Variants in IL27RA observed in about 807,000 individuals in gnomAD.
IL27RA encodes the protein interleukin-27 receptor subunit alpha.
A neutral mutation model predicts 80.8 loss-of-function variants in IL27RA; 61 were observed. That is an observed-to-expected ratio of 0.76 (90% CI 0.61 to 0.93). IL27RA has a LOEUF of 0.93. IL27RA is among the 40% of genes least tolerant of loss of function. The probability of loss-of-function intolerance (pLI) is 0.00; values close to 1 mark genes in which losing one functional copy is unlikely to be tolerated. For synonymous variants in IL27RA, 316 were observed against 332.5 expected (o/e 0.95, Z 0.54); for missense variants, 735 against 808.1 (o/e 0.91, Z 1.10).
intron 6 of IL27RA, among the ~76,000 whole-genome samples, chr19:14,044,895 G>C (rs1001755388): frequency 5.3e-5 from 8 of 151,092 alleles, no homozygotes; most frequent in African/African-American, 1.7e-4. Context: ...GGAGGCCGAG[G>C]CGGGTGGATC....
In IL27RA at chr19:14,038,567, TAA is replaced by T. The variant is rs34678070; in HGVS notation, c.219-921_219-920del. Among the ~76,000 whole-genome samples the T allele has an allele frequency of 1.1e-3, 111 of 100,990 alleles. 1 individual carries two copies. In the South Asian group the frequency reaches 0.013, roughly 12 times the overall value. 66.3% of individuals were successfully genotyped at this position (100,990 alleles called of 152,430 possible). On this transcript the variant is annotated intron_variant, in intron 2 of 13. Coordinates refer to ENST00000263379, the MANE Select transcript of IL27RA (RefSeq NM_004843.4). ...CAGTTACAGAGTGAGGTCGTGTCTC[TAA>T]AAAAAAAAAAAAAAAAAAAGAGAGA...
At chr19:14,049,566 T>A (rs1406268768) in intron 10 of IL27RA, among the ~76,000 whole-genome samples, 1 of 151,952 alleles carries the variant, frequency 6.6e-6, no homozygotes, top group Non-Finnish European at 1.5e-5. Flanking sequence ...ATGTTAAAAT[T>A]CCGTGGTATG....
At chr19:14,032,216 AGGG>A (rs1314328584) in intron 1 of IL27RA, among the ~76,000 whole-genome samples, 167 bp from the exon 2 acceptor site, 1 of 152,028 alleles carries the variant, frequency 6.6e-6, no homozygotes, top group African/African-American at 2.4e-5. Context: ...GCACAGGGAA[AGGG>A]GGGGTTTGCA....
At chr19:14,040,012 C>G in intron 4 of IL27RA, 102 bp downstream of exon 4, 1 of 1,206,228 alleles carries the variant, frequency 8.3e-7, no homozygotes, top group Non-Finnish European at 1.2e-6. Flanking sequence ...GTGCCTGCCC[C>G]TGAGCCTGTA....
chr19:14,031,823 C>T lies in IL27RA; in HGVS notation c.-50C>T, dbSNP rs761406997. On this transcript the variant is annotated 5_prime_UTR_variant, in exon 1 of 14. Transcript: ENST00000263379. ...AGAGCTCGAAGAGGAGCAGCGCGGC[C>T]GCGCGGACCCGGCAAGGCTGGGCCG... 2.7e-6 allele frequency: 4 copies of T among 1,476,854 alleles called. No homozygotes were observed. The highest frequency in any genetic ancestry group is 2.4e-5 in the East Asian group (1 of 40,856). The allele number at this position is 1,476,854 out of a possible 1,614,324, so 91.5% of individuals were successfully genotyped here. A position where few individuals can be genotyped will look rare whatever the true frequency, so the allele number is the denominator to read the frequency against.
At chr19:14,046,081 G>A in intron 6 of IL27RA, 73 bp from the exon 7 acceptor site, 2 of 1,404,274 alleles carry the variant, frequency 1.4e-6, no homozygotes, top group Non-Finnish European at 2.0e-6. Flanking sequence ...GGTTTATCAG[G>A]TGACCTCAGG....
At chr19:14,044,070 G>T (rs1160398489) in intron 6 of IL27RA, among the ~76,000 whole-genome samples, 4 of 142,290 alleles carry the variant, frequency 2.8e-5, no homozygotes, top group Non-Finnish European at 4.5e-5. Context: ...AAAAAAAAAG[G>T]TATTATAAAA....
rs1466097298 is a variant in IL27RA at position 14,046,298 on chromosome 19, A to G, written c.913A>G (p.Ser305Gly). The G allele has an allele frequency of 2.0e-5, 33 of 1,613,930 alleles. No homozygotes were observed. The highest frequency in any genetic ancestry group is 2.7e-5 in the African/African-American group (2 of 74,908). Residue 305 changes from serine (S) to glycine (G), a missense_variant, in exon 7 of 14, where the codon AGC (serine) becomes GGC (glycine). Ser to Gly is a moderately conservative substitution (Grantham distance 56, BLOSUM62 0). Transcript: ENST00000263379. ...WARVSAVNAT[S>G]WEPLTNLSLV... Reference sequence around the variant, plus strand: ...CAGGGTGTCCGCTGTCAACGCCACAAGCTGGGAGCCTCTCACCAACCTCTC... The same window carrying G: ...CAGGGTGTCCGCTGTCAACGCCACAGGCTGGGAGCCTCTCACCAACCTCTC...
intron 2 of IL27RA, among the ~76,000 whole-genome samples, chr19:14,036,576 C>T (rs1290503437): frequency 1.3e-5 from 2 of 150,472 alleles, no homozygotes; most frequent in Non-Finnish European, 2.9e-5. Context: ...GCAACCTCTG[C>T]CTCCCCGGTC....
At chr19:14,039,696 C>T (rs190443624) in intron 3 of IL27RA, 31 bp downstream of exon 3, 5 of 1,316,376 alleles carry the variant, frequency 3.8e-6, no homozygotes, top group East Asian at 2.9e-5. Flanking sequence ...GCGCTCTATG[C>T]GGGGTGGGTG....
intron 4 of IL27RA, 75 bp from the exon 5 acceptor site, chr19:14,042,378 G>GAA (rs922566791): frequency 1.5e-4 from 171 of 1,173,634 alleles, no homozygotes; most frequent in Non-Finnish European, 1.6e-4. Flanking sequence ...AAAAACAAAG[G>GAA]AAAAAAAAAA....
At chr19:14,037,823 G>GTT (rs1975926746) in intron 2 of IL27RA, among the ~76,000 whole-genome samples, 1 of 135,522 alleles carries the variant, frequency 7.4e-6, no homozygotes, top group East Asian at 2.4e-4. Context: ...AGACCCTCTC[G>GTT]CTCTCTCTCT....
intron 4 of IL27RA, 24 bp from the exon 5 acceptor site, chr19:14,042,429 C>T: frequency 6.2e-7 from 1 of 1,609,570 alleles, no homozygotes; most frequent in South Asian, 1.1e-5. Flanking sequence ...CTGGGCCCAT[C>T]ACGCTCGCCT....
chr19:14,050,523 AAAAAAAAG>A (rs1976144695), intron 10 of IL27RA, among the ~76,000 whole-genome samples: 1 of 151,664 alleles, frequency 6.6e-6, no homozygotes, highest in Non-Finnish European at 1.5e-5. Flanking sequence ...AAAAAAAAAA[AAAAAAAAG>A]AGAATCAAAC....
Position 14,031,912 on chromosome 19 carries a change from C to T in IL27RA, c.40C>T (p.Leu14=), listed in dbSNP as rs1975821082. ...GRGAPFWLWP[L]PKLALLPLLW... is the part of the protein sequence containing the mutation. ...GGGCGCCCCTTTCTGGCTGTGGCCG[C>T]TGCCCAAGCTGGCGCTGCTGCCTCT... Residue 14 remains leucine (L), a synonymous_variant, in exon 1 of 14, where the codon CTG becomes TTG. Transcript: ENST00000263379. 1 of 1,607,030 alleles carries T rather than the reference C, an allele frequency of 6.2e-7. No individual in the cohort carries two copies. Among genetic ancestry groups the T allele is most frequent in the Non-Finnish European group, 8.5e-7 (1 of 1,177,438 alleles).
At chr19:14,036,436 C>T (rs1975899958) in intron 2 of IL27RA, among the ~76,000 whole-genome samples, 2 of 151,432 alleles carry the variant, frequency 1.3e-5, no homozygotes, top group South Asian at 4.2e-4. Flanking sequence ...TCTTATTTCA[C>T]GTAACATAAT....
rs1295642043 is a variant in IL27RA at position 14,052,800 on chromosome 19, G to A, written c.*510G>A. Reference sequence around the variant, plus strand: ...AGGCTGAGGTGGGAGGATCGGTTGAGCCCAGGAGTTCGAAGCTGCAGGGAC... The same window carrying A: ...AGGCTGAGGTGGGAGGATCGGTTGAACCCAGGAGTTCGAAGCTGCAGGGAC... On this transcript the variant is annotated 3_prime_UTR_variant, in exon 14 of 14. Coordinates refer to ENST00000263379, the MANE Select transcript of IL27RA (RefSeq NM_004843.4). 6.6e-6 allele frequency: 1 copy of A among 152,254 alleles called. No individual in the cohort carries two copies. Among genetic ancestry groups the A allele is most frequent in the Non-Finnish European group, 1.5e-5 (1 of 68,372 alleles). The allele number at this position is 152,254 out of a possible 1,614,324, so 9.4% of individuals were successfully genotyped here. A position where few individuals can be genotyped will look rare whatever the true frequency, so the allele number is the denominator to read the frequency against.
Position 14,052,616 on chromosome 19 carries a change from A to G in IL27RA, c.*326A>G. On this transcript the variant is annotated 3_prime_UTR_variant, in exon 14 of 14. Coordinates refer to ENST00000263379, the MANE Select transcript of IL27RA (RefSeq NM_004843.4). The stretch of plus-strand genomic sequence containing the variant: ...CACAGTGGCTCACGCCTGTAATCCC[A>G]GCACTTTGGCAGGCCAAGGTGGAAG... 1 of 243,894 alleles carries G rather than the reference A, an allele frequency of 4.1e-6. No individual in the cohort carries two copies. The highest frequency in any genetic ancestry group is 7.8e-6 in the Non-Finnish European group (1 of 127,752). The allele number at this position is 243,894 out of a possible 1,614,324, so 15.1% of individuals were successfully genotyped here. A position where few individuals can be genotyped will look rare whatever the true frequency, so the allele number is the denominator to read the frequency against.
rs1568504261 is a variant in IL27RA, at chr19:14,050,884, G to C, written c.1528+1G>C. The C allele has an allele frequency of 6.2e-7, 1 of 1,605,674 alleles. No homozygotes were observed. The highest frequency in any genetic ancestry group is 2.2e-5 in the East Asian group (1 of 44,630). ...CCCATCCTCCGGCTTCATCTACCAG[G>C]TAGGGGGGTTGGGATGGGATTGCCA... On this transcript the variant is annotated splice_donor_variant, in intron 11 of 13. Transcript: ENST00000263379. LOFTEE classifies it high-confidence loss of function.
Sources: gnomAD v4.1 joint callset for allele counts (sites outside exome capture counted in the v4.1 genomes callset) on GRCh38, gnomAD v4.1.1 for gene constraint, MANE v1.5 for transcripts, NCBI Gene and HGNC (gene_info 2026-07-23, HGNC 2026-07-21) for gene names.